Variants in AGTPBP1 observed in about 807,000 individuals in gnomAD.
AGTPBP1 encodes cytosolic carboxypeptidase 1.
Under a neutral mutation model 143.9 loss-of-function variants are expected in AGTPBP1, and 70 were observed. The observed-to-expected ratio is 0.49, with a 90% CI of 0.40 to 0.59. AGTPBP1 has a LOEUF of 0.59. AGTPBP1 is among the 20% of genes least tolerant of loss of function. The pLI is 0.00. For missense variants in AGTPBP1, 1,229 were observed against 1,464.5 expected, an observed-to-expected ratio of 0.84 and a Z score of 2.62; for synonymous variants, 463 against 500.2, an observed-to-expected ratio of 0.93 and a Z score of 0.99.
At chr9:85,690,001 T>C (rs984931401) in intron 3 of AGTPBP1, among the ~76,000 whole-genome samples, 2 of 149,178 alleles carry the variant, frequency 1.3e-5, no homozygotes, top group African/African-American at 4.9e-5. Context: ...GTACAATTTG[T>C]TTTAGTACAC....
At chr9:85,632,564 A>G in intron 14 of AGTPBP1, 98 bp downstream of exon 14, 4 of 1,037,194 alleles carry the variant, frequency 3.9e-6, no homozygotes, top group South Asian at 3.5e-5. Flanking sequence ...TATAACTCAC[A>G]GTAATTATCT....
intron 2 of AGTPBP1, 26 bp downstream of exon 2, chr9:85,712,476 C>A (rs1319409138): frequency 7.7e-7 from 1 of 1,306,304 alleles, no homozygotes; most frequent in Non-Finnish European, 1.1e-6. Context: ...GTAACTTATG[C>A]ATACTGATAT....
chr9:85,785,011 T>C, the AGTPBP1 span, among the ~76,000 whole-genome samples: 2 of 152,172 alleles, frequency 1.3e-5, no homozygotes, highest in African/African-American at 4.8e-5. Flanking sequence ...GAGCTGCCAA[T>C]GTGCAACCTG....
chr9:85,695,910 C>T (rs1836205213), intron 2 of AGTPBP1, among the ~76,000 whole-genome samples: 2 of 151,530 alleles, frequency 1.3e-5, no homozygotes, highest in South Asian at 2.1e-4. Flanking sequence ...GGCGCAATCT[C>T]GGCTCACTGA....
At chr9:85,608,948 C>T (rs1340599216) in intron 17 of AGTPBP1, among the ~76,000 whole-genome samples, 2 of 152,096 alleles carry the variant, frequency 1.3e-5, no homozygotes, top group African/African-American at 2.4e-5. Flanking sequence ...GAGATTATTA[C>T]ATAAACTGGA....
At chr9:85,689,374 T>C (rs1350139629) in intron 3 of AGTPBP1, among the ~76,000 whole-genome samples, 1 of 152,160 alleles carries the variant, frequency 6.6e-6, no homozygotes, top group Admixed American at 6.5e-5. Context: ...TTTAATTGGT[T>C]TGGGGTGAGC....
chr9:85,589,397 T>C (rs1564037209), intron 20 of AGTPBP1, 131 bp downstream of exon 20: 6 of 1,190,546 alleles, frequency 5.0e-6, no homozygotes, highest in African/African-American at 1.6e-5. Flanking sequence ...AGCTAGATAA[T>C]AGCAGGGCCA....
In AGTPBP1 at chr9:85,684,381, T is replaced by G. The variant is rs1835366449; in HGVS notation, c.158-3046A>C. 2.0e-5 allele frequency among the ~76,000 whole-genome samples: 3 copies of G among 152,160 alleles called. No individual in the cohort carries two copies. The South Asian group carries it at 6.2e-4, about 32-fold the overall frequency. ...GTGGAGGTTAGGAAGAAATGTCCTTTCACCTATGTTCTGAATTCCATCCTT... is the reference window on the plus strand; with the variant it reads ...GTGGAGGTTAGGAAGAAATGTCCTTGCACCTATGTTCTGAATTCCATCCTT... On this transcript the variant is annotated intron_variant, in intron 3 of 25. Coordinates refer to ENST00000357081, the MANE Select transcript of AGTPBP1 (RefSeq NM_001330701.2).
At chr9:85,674,994 T>C (rs952212781) in intron 6 of AGTPBP1, among the ~76,000 whole-genome samples, 1 of 152,072 alleles carries the variant, frequency 6.6e-6, no homozygotes, top group African/African-American at 2.4e-5. Flanking sequence ...CCACCCAGGT[T>C]CAAGCAATTC....
At chr9:85,703,451 A>G (rs1836797520) in intron 2 of AGTPBP1, among the ~76,000 whole-genome samples, 1 of 152,242 alleles carries the variant, frequency 6.6e-6, no homozygotes, top group South Asian at 2.1e-4. Flanking sequence ...GGGCATGGAG[A>G]AATACACAGA....
At chr9:85,572,307 AC>A (rs1827554669) in intron 25 of AGTPBP1, among the ~76,000 whole-genome samples, 2 of 152,050 alleles carry the variant, frequency 1.3e-5, no homozygotes, top group Non-Finnish European at 2.9e-5. Flanking sequence ...TGCTGGGATT[AC>A]AGGTGTGAGC....
At chr9:85,553,259 A>C (rs1038693773) in intron 25 of AGTPBP1, among the ~76,000 whole-genome samples, 3 of 152,246 alleles carry the variant, frequency 2.0e-5, no homozygotes, top group Non-Finnish European at 4.4e-5. Context: ...ATCTATTTGT[A>C]CTTTTGTTGA....
At chr9:85,606,508 A>C (rs1830000483) in intron 17 of AGTPBP1, among the ~76,000 whole-genome samples, 1 of 152,084 alleles carries the variant, frequency 6.6e-6, no homozygotes, top group Non-Finnish European at 1.5e-5. Context: ...TTTCTCAAAA[A>C]ACTAAAAATA....
chr9:85,573,151 C>T (rs541696903), intron 25 of AGTPBP1, among the ~76,000 whole-genome samples: 21 of 152,096 alleles, frequency 1.4e-4, no homozygotes, highest in Non-Finnish European at 2.6e-4. Flanking sequence ...CCTCTGATGC[C>T]GAGCCGAAGC....
intron 18 of AGTPBP1, among the ~76,000 whole-genome samples, chr9:85,595,851 A>G (rs1346508043): frequency 2.0e-5 from 3 of 152,194 alleles, no homozygotes; most frequent in Non-Finnish European, 4.4e-5. Context: ...CTAATTTGCT[A>G]TAAGTAGATC....
In AGTPBP1 at chr9:85,587,060, C is replaced by T. The variant is rs540324312; in HGVS notation, c.2904-100G>A. The T allele has an allele frequency of 2.8e-6, 4 of 1,429,576 alleles. No individual in the cohort carries two copies. In the African/African-American group the frequency reaches 5.7e-5, roughly 20 times the overall value. 88.6% of individuals were successfully genotyped at this position (1,429,576 alleles called of 1,614,324 possible). On this transcript the variant is annotated intron_variant, in intron 21 of 25. Coordinates refer to ENST00000357081, the MANE Select transcript of AGTPBP1 (RefSeq NM_001330701.2). ...TATACATATCTGATTTAACTTTATG[C>T]TTCTATTCCACTAAGCATTTCAAAT...
chr9:85,790,633 T>C, the AGTPBP1 span, among the ~76,000 whole-genome samples: 2 of 152,238 alleles, frequency 1.3e-5, no homozygotes, highest in South Asian at 4.1e-4. Flanking sequence ...TCTGTTTTTA[T>C]ATTTCCTTCT....
intron 14 of AGTPBP1, among the ~76,000 whole-genome samples, chr9:85,631,250 T>A (rs899163742): frequency 6.6e-6 from 1 of 152,186 alleles, no homozygotes; most frequent in Admixed American, 6.5e-5. Flanking sequence ...AGTCCCTGGG[T>A]GGATACTGGA....
At chr9:85,687,542 T>C (rs1835557473) in intron 3 of AGTPBP1, among the ~76,000 whole-genome samples, 2 of 151,796 alleles carry the variant, frequency 1.3e-5, no homozygotes, top group African/African-American at 4.8e-5. Context: ...AGAATTACAT[T>C]AGAAATCAAC....
Sources: gnomAD v4.1 joint callset for allele counts (sites outside exome capture counted in the v4.1 genomes callset) on GRCh38, gnomAD v4.1.1 for gene constraint, MANE v1.5 for transcripts, NCBI Gene and HGNC (gene_info 2026-07-23, HGNC 2026-07-21) for gene names.